TENM4: variants seen among roughly 807,000 people sequenced by gnomAD.
The protein encoded by TENM4 is teneurin-4.
Under a neutral mutation model 243.3 loss-of-function variants are expected in TENM4, and 82 were observed. The ratio of observed to expected loss-of-function variants is 0.34; its 90% CI spans 0.28 to 0.40. The LOEUF is 0.40. Ranked by LOEUF, TENM4 falls within the 10% of genes least tolerant of loss-of-function variation. The pLI, the probability that TENM4 is intolerant of heterozygous loss-of-function variation, is 1.00. For synonymous variants in TENM4, 1,412 were observed against 1,456.3 expected (o/e 0.97, Z 0.69); for missense variants, 3,138 against 3,673.3 (o/e 0.85, Z 3.77).
At chr11:78,906,590 G>C (rs4143855) in intron 6 of TENM4, among the ~76,000 whole-genome samples, 77,119 of 152,070 alleles carry the variant, frequency 0.51, 23,677 homozygotes, top group East Asian at 0.78. Flanking sequence ...CTCCTATGGG[G>C]ACAAGGAATG....
rs556382302 is a variant in TENM4, at chr11:79,366,892, C to T, written c.-320-69349G>A. On this transcript the variant is annotated intron_variant, in intron 1 of 33. Coordinates refer to ENST00000278550, the MANE Select transcript of TENM4 (RefSeq NM_001098816.3). The stretch of plus-strand genomic sequence containing the variant: ...AAAGTTCCTATCATTCATTTTATAG[C>T]TCTGCCAGAAGGCTATATATCAGTG... Among the ~76,000 whole-genome samples the T allele has an allele frequency of 3.9e-5, 6 of 152,284 alleles. No homozygotes were observed. The South Asian group carries it at 1.2e-3, about 32-fold the overall frequency.
intron 6 of TENM4, among the ~76,000 whole-genome samples, chr11:78,940,357 T>C (rs140758489): frequency 7.9e-5 from 12 of 152,182 alleles, no homozygotes; most frequent in Non-Finnish European, 1.6e-4. Context: ...TTTTTGGAAA[T>C]ATTTCTTGAC....
intron 2 of TENM4, chr11:79,269,471 G>A (rs1766215755): frequency 6.6e-6 from 1 of 152,194 alleles, no homozygotes; most frequent in African/African-American, 2.4e-5. Flanking sequence ...TCTACAGACA[G>A]AAAGCAGAAA....
intron 1 of TENM4, among the ~76,000 whole-genome samples, chr11:79,334,749 C>A (rs1252348207): frequency 6.6e-6 from 1 of 152,214 alleles, no homozygotes; most frequent in Non-Finnish European, 1.5e-5. Context: ...TGAACAATCA[C>A]AATGAACGTT....
At chr11:79,339,250 G>C (rs907264) in intron 1 of TENM4, among the ~76,000 whole-genome samples, 1 of 152,160 alleles carries the variant, frequency 6.6e-6, no homozygotes, top group African/African-American at 2.4e-5. Context: ...CAGAACACCA[G>C]ACAAATCACT....
At chr11:79,187,104 A>C (rs1221456911) in intron 3 of TENM4, among the ~76,000 whole-genome samples, 2 of 152,128 alleles carry the variant, frequency 1.3e-5, no homozygotes, top group Non-Finnish European at 2.9e-5. Flanking sequence ...TTAAACTTTT[A>C]CACACACTGC....
At chr11:78,673,579 T>C (rs1382824476) in intron 30 of TENM4, among the ~76,000 whole-genome samples, 1 of 152,230 alleles carries the variant, frequency 6.6e-6, no homozygotes, top group Admixed American at 6.5e-5. Flanking sequence ...CCAACTTTTC[T>C]ATCAACCTTG....
intron 19 of TENM4, 82 bp downstream of exon 19, chr11:78,756,723 C>T (rs921445924): frequency 1.5e-6 from 2 of 1,350,416 alleles, no homozygotes; most frequent in Non-Finnish European, 2.0e-6. Context: ...TTCCTCCCAC[C>T]CCCATTCATC....
intron 15 of TENM4, among the ~76,000 whole-genome samples, chr11:78,793,187 A>G (rs1382950228): frequency 6.6e-6 from 1 of 152,230 alleles, no homozygotes; most frequent in Non-Finnish European, 1.5e-5. Flanking sequence ...TTTCTCCGAA[A>G]GGGAAAGACT....
At chr11:78,826,628 A>G (rs1345761958) in intron 12 of TENM4, among the ~76,000 whole-genome samples, 4 of 152,038 alleles carry the variant, frequency 2.6e-5, no homozygotes, top group African/African-American at 7.2e-5. Context: ...GTAGCCTTCC[A>G]TAGGGTTACT....
chr11:79,383,055 C>A (rs941490425), intron 1 of TENM4, among the ~76,000 whole-genome samples: 1 of 152,162 alleles, frequency 6.6e-6, no homozygotes. Flanking sequence ...ACCCTGGCCC[C>A]GCCATCCATC....
At chr11:79,293,609 G>A (rs749614024) in intron 2 of TENM4, among the ~76,000 whole-genome samples, 10 of 152,076 alleles carry the variant, frequency 6.6e-5, no homozygotes, top group Non-Finnish European at 1.2e-4. Context: ...CTTCATAAAT[G>A]TCTGTTGGCT....
At chr11:79,058,432 C>G (rs1160393250) in intron 6 of TENM4, among the ~76,000 whole-genome samples, 1 of 151,786 alleles carries the variant, frequency 6.6e-6, no homozygotes, top group East Asian at 1.9e-4. Context: ...GTAGTCCCAG[C>G]TACTGGGGAG....
chr11:79,063,498 AG>A (rs1315209787), intron 6 of TENM4, among the ~76,000 whole-genome samples: 2 of 152,152 alleles, frequency 1.3e-5, no homozygotes, highest in Non-Finnish European at 2.9e-5. Context: ...TGGGCTTCCC[AG>A]AAACAGCCCT....
At chr11:79,414,369 T>C (rs1858768839) in intron 1 of TENM4, among the ~76,000 whole-genome samples, 1 of 152,082 alleles carries the variant, frequency 6.6e-6, no homozygotes, top group Non-Finnish European at 1.5e-5. Flanking sequence ...CTAACCTGAG[T>C]CTCACTTTCC....
At chr11:79,122,682 G>C (rs1861767220) in intron 4 of TENM4, among the ~76,000 whole-genome samples, 1 of 152,150 alleles carries the variant, frequency 6.6e-6, no homozygotes, top group Non-Finnish European at 1.5e-5. Context: ...AAAAGAACAA[G>C]AGTCCACTGC....
chr11:79,011,638 A>T (rs1389280644), intron 6 of TENM4, among the ~76,000 whole-genome samples: 3 of 151,900 alleles, frequency 2.0e-5, no homozygotes, highest in Non-Finnish European at 1.5e-5. Flanking sequence ...AGGGGTCTGC[A>T]CCCCCGCTGG....
chr11:79,258,060 G>C (rs745483580), intron 2 of TENM4, among the ~76,000 whole-genome samples: 2 of 152,202 alleles, frequency 1.3e-5, no homozygotes, highest in South Asian at 4.1e-4. Flanking sequence ...GGAAAACTTG[G>C]TGTTATCCCC....
chr11:79,242,080 G>GT (rs2135283152), intron 2 of TENM4, among the ~76,000 whole-genome samples: 1 of 152,340 alleles, frequency 6.6e-6, no homozygotes, highest in South Asian at 2.1e-4. Context: ...ACAGTGGCTG[G>GT]TTTTTTAAGA....
Sources: allele counts gnomAD v4.1 joint callset (sites outside exome capture counted in the v4.1 genomes callset), GRCh38; gene constraint gnomAD v4.1.1; transcripts MANE v1.5; gene names NCBI Gene and HGNC (gene_info 2026-07-23, HGNC 2026-07-21).